CA10: variants seen among roughly 807,000 people sequenced by gnomAD.
The protein encoded by CA10 is carbonic anhydrase 10 (inactive).
A neutral mutation model predicts 44.2 loss-of-function variants in CA10; 14 were observed. The ratio of observed to expected loss-of-function variants is 0.32; its 90% CI spans 0.21 to 0.50. CA10 has a LOEUF of 0.50. Ranked by LOEUF, CA10 falls within the 20% of genes least tolerant of loss-of-function variation. The pLI, the probability that CA10 is intolerant of heterozygous loss-of-function variation, is 0.99. For missense variants in CA10, 350 were observed against 409.7 expected (o/e 0.85, Z 1.26); for synonymous variants, 159 against 141.6 (o/e 1.12, Z -0.87).
chr17:52,116,282 C>G (rs2039308517), intron 1 of CA10, among the ~76,000 whole-genome samples: 1 of 152,058 alleles, frequency 6.6e-6, no homozygotes, highest in South Asian at 2.1e-4. Context: ...GGCCAGGACC[C>G]CAATTCACAA....
intron 1 of CA10, among the ~76,000 whole-genome samples, chr17:52,080,237 G>A (rs1358841744): frequency 6.6e-6 from 1 of 152,146 alleles, no homozygotes; most frequent in African/African-American, 2.4e-5. Flanking sequence ...CGCATCACGA[G>A]GTCAGGGGAT....
intron 4 of CA10, among the ~76,000 whole-genome samples, chr17:51,692,366 CCTAT>C (rs71728413): frequency 0.21 from 28,961 of 140,964 alleles, 2,966 homozygotes; most frequent in African/African-American, 0.24. Flanking sequence ...ACCTATCCAT[CCTAT>C]CTATCTATCT....
chr17:51,954,935 G>A (rs1399793218), intron 2 of CA10, among the ~76,000 whole-genome samples: 1 of 152,164 alleles, frequency 6.6e-6, no homozygotes, highest in Non-Finnish European at 1.5e-5. Flanking sequence ...GGGAGTCTGT[G>A]TAACAGATAA....
At chr17:51,883,582 G>A (rs1303474937) in intron 3 of CA10, among the ~76,000 whole-genome samples, 1 of 152,108 alleles carries the variant, frequency 6.6e-6, no homozygotes, top group Non-Finnish European at 1.5e-5. Flanking sequence ...CCCATGAACA[G>A]CTCCTTCTGC....
intron 3 of CA10, among the ~76,000 whole-genome samples, chr17:51,786,102 C>A (rs937455142): frequency 4.6e-5 from 7 of 151,590 alleles, no homozygotes; most frequent in African/African-American, 1.7e-4. Context: ...TTTTTGATTT[C>A]TTTTTCAGAT....
chr17:51,662,280 C>T (rs1252276764), intron 4 of CA10, among the ~76,000 whole-genome samples: 2 of 152,160 alleles, frequency 1.3e-5, no homozygotes, highest in African/African-American at 2.4e-5. Flanking sequence ...CCACCCTATG[C>T]CAGATCCCAG....
At chr17:51,676,001 T>C (rs1038106709) in intron 4 of CA10, among the ~76,000 whole-genome samples, 5 of 152,178 alleles carry the variant, frequency 3.3e-5, no homozygotes, top group African/African-American at 1.2e-4. Flanking sequence ...AGGTCCTAAG[T>C]ATTAATGGTA....
At chr17:52,039,631 T>C (rs1433928325) in intron 2 of CA10, among the ~76,000 whole-genome samples, 1 of 152,104 alleles carries the variant, frequency 6.6e-6, no homozygotes, top group Non-Finnish European at 1.5e-5. Flanking sequence ...AATACCACCT[T>C]AAGCTGCATT....
At chr17:51,687,542 A>T (rs919658655) in intron 4 of CA10, among the ~76,000 whole-genome samples, 4 of 152,248 alleles carry the variant, frequency 2.6e-5, no homozygotes, top group Admixed American at 1.3e-4. Flanking sequence ...CAAGGCCCAG[A>T]GAAACTAGCT....
At chr17:51,886,133 C>A (rs1340236184) in intron 3 of CA10, among the ~76,000 whole-genome samples, 1 of 152,192 alleles carries the variant, frequency 6.6e-6, no homozygotes, top group Non-Finnish European at 1.5e-5. Flanking sequence ...AAGTGAAGGG[C>A]AGAATCCTCC....
rs377575209 is a variant in CA10 at position 52,096,497 on chromosome 17, GC to G, written c.62-24105del. On this transcript the variant is annotated intron_variant, in intron 1 of 8. Transcript: ENST00000451037. The stretch of plus-strand genomic sequence containing the variant: ...GATAAGAATTGGCTCTGAGGACAGA[GC>G]GAACAATCTTTTATCCCCCATCCTA... Among the ~76,000 whole-genome samples, 600 of 152,276 alleles carry G rather than the reference GC, an allele frequency of 3.9e-3. 2 individuals carry two copies. The highest frequency in any genetic ancestry group is 0.014 in the African/African-American group (569 of 41,560).
intron 2 of CA10, among the ~76,000 whole-genome samples, chr17:51,978,373 T>C (rs1331730416): frequency 2.7e-5 from 4 of 150,308 alleles, no homozygotes; most frequent in Admixed American, 1.3e-4. Context: ...TATCTGTGTG[T>C]GTGTCTGTAT....
At chr17:51,874,102 T>A (rs1979941329) in intron 3 of CA10, among the ~76,000 whole-genome samples, 1 of 152,212 alleles carries the variant, frequency 6.6e-6, no homozygotes, top group Admixed American at 6.5e-5. Flanking sequence ...TTTATGAACT[T>A]CCTGTGTAGA....
rs1052633216 is a variant in CA10 at position 52,006,603 on chromosome 17, A to G, written c.136+65716T>C. 5.9e-5 allele frequency among the ~76,000 whole-genome samples: 9 copies of G among 151,876 alleles called. No homozygotes were observed. In the East Asian group the frequency reaches 1.8e-3, roughly 30 times the overall value. On this transcript the variant is annotated intron_variant, in intron 2 of 8. Transcript: ENST00000451037. Reference sequence around the variant, plus strand: ...TGTTGTTTGTATATTTTTATCACCTATCTGCATCTCCACATAACACATAGC... The same window carrying G: ...TGTTGTTTGTATATTTTTATCACCTGTCTGCATCTCCACATAACACATAGC...
chr17:51,789,215 C>T (rs1342106446), intron 3 of CA10, among the ~76,000 whole-genome samples: 2 of 152,104 alleles, frequency 1.3e-5, no homozygotes, highest in East Asian at 1.9e-4. Context: ...GGGGTTTCAC[C>T]ACGTTGGTCA....
At chr17:51,648,916 C>T (rs1010385223) in intron 6 of CA10, among the ~76,000 whole-genome samples, 1 of 152,106 alleles carries the variant, frequency 6.6e-6, no homozygotes, top group African/African-American at 2.4e-5. Flanking sequence ...AGTCCCCTGG[C>T]TCATTACCAA....
intron 3 of CA10, among the ~76,000 whole-genome samples, chr17:51,899,413 G>A (rs190266937): frequency 6.6e-6 from 1 of 152,208 alleles, no homozygotes; most frequent in African/African-American, 2.4e-5. Flanking sequence ...ACTGGGGTAT[G>A]AGAGTGTGGT....
intron 4 of CA10, among the ~76,000 whole-genome samples, chr17:51,738,464 T>A (rs1185721486): frequency 6.6e-6 from 1 of 152,236 alleles, no homozygotes; most frequent in Non-Finnish European, 1.5e-5. Flanking sequence ...AGGTTCTTAA[T>A]GCAATAGTAT....
At chr17:51,897,632 T>C (rs1339402677) in intron 3 of CA10, among the ~76,000 whole-genome samples, 1 of 152,184 alleles carries the variant, frequency 6.6e-6, no homozygotes, top group South Asian at 2.1e-4. Context: ...AGGAGTAGCA[T>C]TGAATCTATA....
Sources: allele counts gnomAD v4.1 joint callset (sites outside exome capture counted in the v4.1 genomes callset), GRCh38; gene constraint gnomAD v4.1.1; transcripts MANE v1.5; gene names NCBI Gene and HGNC (gene_info 2026-07-23, HGNC 2026-07-21).